RBFOX1: variants seen among roughly 807,000 people sequenced by gnomAD.
RBFOX1 encodes the protein RNA binding fox-1 homolog 1.
Under a neutral mutation model 57.7 loss-of-function variants are expected in RBFOX1, and 8 were observed. The observed-to-expected ratio is 0.14, with a 90% confidence interval of 0.08 to 0.25. The LOEUF (loss-of-function observed/expected upper bound fraction) is 0.25, where lower values mean the gene tolerates loss of function less well. Ranked by LOEUF, RBFOX1 falls within the 10% of genes least tolerant of loss-of-function variation. The probability of loss-of-function intolerance (pLI) is 1.00; values close to 1 mark genes in which losing one functional copy is unlikely to be tolerated. For synonymous variants in RBFOX1, 326 were observed against 222.4 expected (o/e 1.47, Z -4.15); for missense variants, 611 against 548.5 (o/e 1.11, Z -1.14).
At chr16:7,346,900 CA>C (rs1010294103) in intron 4 of RBFOX1, among the ~76,000 whole-genome samples, 2 of 151,276 alleles carry the variant, frequency 1.3e-5, no homozygotes, top group Admixed American at 6.6e-5. Flanking sequence ...TGTCTAGCTT[CA>C]AAAAAAACGA....
At chr16:7,543,345 T>G (rs544930110) in intron 5 of RBFOX1, among the ~76,000 whole-genome samples, 39 of 152,186 alleles carry the variant, frequency 2.6e-4, no homozygotes, top group African/African-American at 7.2e-4. Context: ...TGGGAGATAT[T>G]TGAGATCTGA....
At chr16:6,384,485 C>T (rs2092099840) in intron 2 of RBFOX1, among the ~76,000 whole-genome samples, 1 of 152,078 alleles carries the variant, frequency 6.6e-6, no homozygotes. Flanking sequence ...AAACATATTT[C>T]CTTTCTATCT....
intron 1 of RBFOX1, among the ~76,000 whole-genome samples, chr16:6,073,153 G>T (rs1037592287): frequency 6.6e-6 from 1 of 152,084 alleles, no homozygotes; most frequent in East Asian, 1.9e-4. Context: ...ATCTAATGGG[G>T]GTTGGCCACA....
chr16:6,804,619 C>G (rs1324552107), intron 3 of RBFOX1, among the ~76,000 whole-genome samples: 8 of 152,152 alleles, frequency 5.3e-5, no homozygotes, highest in Admixed American at 4.6e-4. Context: ...ACAATGTGTT[C>G]TTTCATTAGG....
chr16:6,718,723 C>G (rs910539069), intron 3 of RBFOX1, among the ~76,000 whole-genome samples: 1 of 152,138 alleles, frequency 6.6e-6, no homozygotes, highest in Non-Finnish European at 1.5e-5. Context: ...AAGTGTGTAC[C>G]ACTCACTGAA....
At chr16:5,871,204 T>C (rs1247556547) in intron 4 of RBFOX1, among the ~76,000 whole-genome samples, 1 of 152,216 alleles carries the variant, frequency 6.6e-6, no homozygotes, top group African/African-American at 2.4e-5. Context: ...AAGAGCTTTA[T>C]CTTCTGACCA....
intron 2 of RBFOX1, among the ~76,000 whole-genome samples, chr16:5,518,106 T>C (rs986968363): frequency 1.3e-5 from 2 of 152,192 alleles, no homozygotes; most frequent in Admixed American, 6.5e-5. Flanking sequence ...GTTGCTGTTA[T>C]GCAGCTGCAA....
intron 5 of RBFOX1, among the ~76,000 whole-genome samples, chr16:7,543,824 G>T (rs1295946150): frequency 6.6e-6 from 1 of 152,044 alleles, no homozygotes; most frequent in African/African-American, 2.4e-5. Flanking sequence ...TGGTTCAAGT[G>T]ATTCTCCTGC....
chr16:6,923,987 T>C (rs1242988096), intron 3 of RBFOX1, among the ~76,000 whole-genome samples: 2 of 151,948 alleles, frequency 1.3e-5, no homozygotes, highest in Non-Finnish European at 2.9e-5. Flanking sequence ...CTGGCCAACA[T>C]GGTGAAACCC....
chr16:7,140,002 C>T (rs1310094075), intron 4 of RBFOX1, among the ~76,000 whole-genome samples: 1 of 151,904 alleles, frequency 6.6e-6, no homozygotes, highest in African/African-American at 2.4e-5. Flanking sequence ...GCAGTGGATC[C>T]CAGGACACCT....
At chr16:6,066,783 C>T (rs868150961) in intron 1 of RBFOX1, among the ~76,000 whole-genome samples, 2 of 152,102 alleles carry the variant, frequency 1.3e-5, no homozygotes, top group Non-Finnish European at 2.9e-5. Context: ...CTGAAGCTGG[C>T]CATATGGTTC....
In RBFOX1 at chr16:6,038,680, G is replaced by A. The variant is rs1596582870; in HGVS notation, c.-127+18688G>A. 2 of 147,664 alleles carry A rather than the reference G, an allele frequency of 1.4e-5. 1 individual carries two copies. The highest frequency in any genetic ancestry group is 4.2e-4 in the South Asian group (2 of 4,724). The allele number at this position is 147,664 out of a possible 1,614,324, so 9.1% of individuals were successfully genotyped here. On this transcript the variant is annotated intron_variant, in intron 1 of 15. Coordinates refer to ENST00000550418, the MANE Select transcript of RBFOX1 (RefSeq NM_018723.4). Reference sequence around the variant, plus strand: ...AGGAGCTTTTGTGACCCATTATTAAGCAAAATGAATAAAGTTCATTAAAAT... The same window carrying A: ...AGGAGCTTTTGTGACCCATTATTAAACAAAATGAATAAAGTTCATTAAAAT...
intron 4 of RBFOX1, among the ~76,000 whole-genome samples, chr16:7,261,207 T>G (rs985979706): frequency 2.2e-4 from 34 of 152,226 alleles, no homozygotes; most frequent in Non-Finnish European, 5.9e-5. Flanking sequence ...GGTAAGTCAC[T>G]TAGCTTCTCT....
chr16:6,591,451 CT>C (rs1312182253), intron 2 of RBFOX1, among the ~76,000 whole-genome samples: 2 of 151,948 alleles, frequency 1.3e-5, no homozygotes, highest in African/African-American at 2.4e-5. Context: ...GAGACTCTGT[CT>C]CACAAAAAAA....
chr16:5,864,879 T>C (rs2057311131), intron 3 of RBFOX1, among the ~76,000 whole-genome samples: 1 of 152,370 alleles, frequency 6.6e-6, no homozygotes, highest in African/African-American at 2.4e-5. Flanking sequence ...TCTCCCACTA[T>C]AGGTGGTTGA....
intron 4 of RBFOX1, among the ~76,000 whole-genome samples, chr16:7,200,174 A>C (rs1242517645): frequency 6.6e-6 from 1 of 152,220 alleles, no homozygotes; most frequent in Non-Finnish European, 1.5e-5. Flanking sequence ...CTGGAATATA[A>C]TGCAAAATCC....
rs180884296 is a variant in RBFOX1, at chr16:6,971,221, C to G, written c.-15-80836C>G. 1.2e-3 allele frequency among the ~76,000 whole-genome samples: 177 copies of G among 152,210 alleles called. 2 individuals carry two copies. The highest frequency in any genetic ancestry group is 9.0e-4 in the Non-Finnish European group (61 of 68,014). On this transcript the variant is annotated intron_variant, in intron 3 of 15. Coordinates refer to ENST00000550418, the MANE Select transcript of RBFOX1 (RefSeq NM_018723.4). ...ATTTTAAAATATAGAAAGAGGTGTGCTAAAAGGCAGCTGAATTGTTATGGG... is the reference window on the plus strand; with the variant it reads ...ATTTTAAAATATAGAAAGAGGTGTGGTAAAAGGCAGCTGAATTGTTATGGG...
intron 3 of RBFOX1, among the ~76,000 whole-genome samples, chr16:6,998,058 G>C (rs550472329): frequency 5.3e-5 from 8 of 152,014 alleles, no homozygotes; most frequent in South Asian, 2.1e-4. Context: ...GAAATGCTGA[G>C]ATTTAGAAAA....
chr16:6,687,906 T>A (rs2059672025), intron 3 of RBFOX1, among the ~76,000 whole-genome samples: 1 of 152,118 alleles, frequency 6.6e-6, no homozygotes, highest in Non-Finnish European at 1.5e-5. Context: ...ATGTTATTTC[T>A]CTCCACCGTA....
Sources: allele counts gnomAD v4.1 joint callset (sites outside exome capture counted in the v4.1 genomes callset), GRCh38; gene constraint gnomAD v4.1.1; transcripts MANE v1.5; gene names NCBI Gene and HGNC (gene_info 2026-07-23, HGNC 2026-07-21).